The following TENM2 variants were observed in gnomAD, a reference collection of about 807,000 sequenced individuals.
The protein encoded by TENM2 is teneurin-2.
In TENM2, 52 loss-of-function variants were observed where a neutral mutation model predicts 245.2. The observed-to-expected ratio is 0.21, with a 90% CI of 0.17 to 0.27. The LOEUF is 0.27. Among genes scored for constraint, TENM2 ranks in the 10% least tolerant of loss-of-function variants. The pLI is 1.00. For synonymous variants in TENM2, 1,363 were observed against 1,438.9 expected, an observed-to-expected ratio of 0.95 and a Z score of 1.19; for missense variants, 3,046 against 3,666.8, an observed-to-expected ratio of 0.83 and a Z score of 4.37.
chr5:167,709,918 G>A (rs1012583477), intron 2 of TENM2, among the ~76,000 whole-genome samples: 12 of 152,204 alleles, frequency 7.9e-5, no homozygotes, highest in African/African-American at 1.4e-4. Context: ...TCTACATTTG[G>A]TCTAAAAAAT....
At chr5:167,381,335 C>A (rs746450619) in intron 2 of TENM2, among the ~76,000 whole-genome samples, 6 of 152,028 alleles carry the variant, frequency 3.9e-5, no homozygotes, top group African/African-American at 7.2e-5. Flanking sequence ...TCTTGCTTTC[C>A]ATCAACTCAG....
At chr5:167,006,684 G>A in the TENM2 span, among the ~76,000 whole-genome samples, 311 of 144,756 alleles carry the variant, frequency 2.1e-3, 1 homozygote, top group African/African-American at 7.6e-3. Context: ...TTTCTTTTTT[G>A]AGGTGGAGTT....
At chr5:167,458,665 A>G (rs1766086392) in intron 2 of TENM2, among the ~76,000 whole-genome samples, 1 of 152,202 alleles carries the variant, frequency 6.6e-6, no homozygotes, top group Non-Finnish European at 1.5e-5. Flanking sequence ...CACTGATAAT[A>G]ACAAAATACA....
At chr5:166,988,003 A>G in the TENM2 span, among the ~76,000 whole-genome samples, 3 of 152,176 alleles carry the variant, frequency 2.0e-5, no homozygotes, top group Admixed American at 6.5e-5. Context: ...TTCATCTTTT[A>G]TCAATCATTT....
intron 2 of TENM2, among the ~76,000 whole-genome samples, chr5:167,561,430 A>C (rs1773579446): frequency 6.6e-6 from 1 of 152,190 alleles, no homozygotes; most frequent in Admixed American, 6.5e-5. Context: ...GGAGGCCATA[A>C]TTGTTAGAGG....
intron 1 of TENM2, among the ~76,000 whole-genome samples, chr5:167,342,241 C>G (rs1758145543): frequency 6.6e-6 from 1 of 152,092 alleles, no homozygotes; most frequent in Non-Finnish European, 1.5e-5. Context: ...GATGGTTTCT[C>G]AGTCTTTATT....
rs182687793 is a variant in TENM2 at position 167,413,619 on chromosome 5, G to A, written c.502+38146G>A. On this transcript the variant is annotated intron_variant, in intron 2 of 28. Transcript: ENST00000518659. ...CCCTCAAATATCCAGCCATCCATCC[G>A]TTTCCTTCTGAGCAGAGCAATAAAA... Among the ~76,000 whole-genome samples the A allele has an allele frequency of 3.6e-3, 544 of 152,164 alleles. 8 individuals are homozygous for A. Among genetic ancestry groups the A allele is most frequent in the Admixed American group, 0.019 (288 of 15,262 alleles).
At chr5:167,487,673 C>T (rs1238176079) in intron 2 of TENM2, among the ~76,000 whole-genome samples, 2 of 152,070 alleles carry the variant, frequency 1.3e-5, no homozygotes, top group African/African-American at 4.8e-5. Context: ...TAATTCAATT[C>T]TGTTAAATCT....
chr5:167,299,120 G>T (rs1755150257), intron 1 of TENM2, among the ~76,000 whole-genome samples: 1 of 152,170 alleles, frequency 6.6e-6, no homozygotes, highest in Non-Finnish European at 1.5e-5. Flanking sequence ...GCCTGGTGAG[G>T]TGTGTTTTTA....
intron 4 of TENM2, among the ~76,000 whole-genome samples, chr5:167,981,190 A>G (rs1782810601): frequency 2.0e-5 from 3 of 152,172 alleles, no homozygotes; most frequent in Non-Finnish European, 4.4e-5. Flanking sequence ...CTGCCACAGC[A>G]TCACAGTTCA....
the TENM2 span, among the ~76,000 whole-genome samples, chr5:167,042,022 C>T: frequency 6.6e-6 from 1 of 152,218 alleles, no homozygotes; most frequent in East Asian, 1.9e-4. Context: ...AAGTTATTCC[C>T]ACAGGCTGAC....
At chr5:167,088,437 G>A in the TENM2 span, among the ~76,000 whole-genome samples, 1 of 152,006 alleles carries the variant, frequency 6.6e-6, no homozygotes, top group Non-Finnish European at 1.5e-5. Flanking sequence ...GACTAGTCTG[G>A]CCAACATGGT....
At chr5:167,237,844 C>T in the TENM2 span, among the ~76,000 whole-genome samples, 1 of 151,932 alleles carries the variant, frequency 6.6e-6, no homozygotes, top group Non-Finnish European at 1.5e-5. Context: ...AACCCCTTCT[C>T]TACTAAAAAC....
chr5:166,995,941 T>C, the TENM2 span, among the ~76,000 whole-genome samples: 1 of 151,548 alleles, frequency 6.6e-6, no homozygotes, highest in African/African-American at 2.4e-5. Flanking sequence ...AGTCCTTGAA[T>C]CGGTTGCCCA....
chr5:168,168,206 G>C (rs545147180), intron 13 of TENM2, among the ~76,000 whole-genome samples: 1 of 152,172 alleles, frequency 6.6e-6, no homozygotes, highest in Non-Finnish European at 1.5e-5. Context: ...TGATACAAGT[G>C]TGTTTGCTCT....
chr5:168,091,750 G>A (rs190659833), intron 8 of TENM2, among the ~76,000 whole-genome samples: 2 of 152,316 alleles, frequency 1.3e-5, no homozygotes, highest in East Asian at 3.9e-4. Context: ...AACACCATGT[G>A]TCCCAAAAAC....
chr5:166,982,855 T>C, the TENM2 span, among the ~76,000 whole-genome samples: 2 of 152,028 alleles, frequency 1.3e-5, no homozygotes, highest in Admixed American at 1.3e-4. Flanking sequence ...CAGTATTTGA[T>C]TAAGCATGAT....
chr5:167,276,658 T>C, the TENM2 span, among the ~76,000 whole-genome samples: 3 of 152,090 alleles, frequency 2.0e-5, no homozygotes, highest in South Asian at 2.1e-4. Flanking sequence ...AAGTCTCTTA[T>C]ATGAAATGGT....
At chr5:167,146,014 A>G in the TENM2 span, among the ~76,000 whole-genome samples, 4 of 152,080 alleles carry the variant, frequency 2.6e-5, no homozygotes, top group Admixed American at 6.5e-5. Flanking sequence ...AGCTTCGTTT[A>G]TCGGACTGCT....
Sources: gnomAD v4.1 joint callset for allele counts (sites outside exome capture counted in the v4.1 genomes callset) on GRCh38, gnomAD v4.1.1 for gene constraint, MANE v1.5 for transcripts, NCBI Gene and HGNC (gene_info 2026-07-23, HGNC 2026-07-21) for gene names.